Variants in DENND6A observed in about 807,000 individuals in gnomAD.
DENND6A encodes DENN domain containing 6A, also known as protein DENND6A.
A neutral mutation model predicts 95.5 loss-of-function variants in DENND6A; 43 were observed. The observed-to-expected ratio is 0.45, with a 90% confidence interval of 0.35 to 0.58. DENND6A has a LOEUF of 0.58. DENND6A is among the 20% of genes least tolerant of loss of function. DENND6A has a pLI of 0.00. For synonymous variants in DENND6A, 257 were observed against 260.4 expected, an observed-to-expected ratio of 0.99 and a Z score of 0.13; for missense variants, 574 against 736.0, an observed-to-expected ratio of 0.78 and a Z score of 2.55.
At chr3:57,635,703 T>A (rs1380445515) in intron 12 of DENND6A, among the ~76,000 whole-genome samples, 2 of 152,202 alleles carry the variant, frequency 1.3e-5, no homozygotes, top group Admixed American at 6.5e-5. Flanking sequence ...TCCTTTGCAA[T>A]CTTATATTGC....
Position 57,666,113 on chromosome 3 carries a change from C to T in DENND6A, c.432+10G>A, listed in dbSNP as rs761611937. ...TCACATGGACATTTTCCTATGACTACTTTTCCAACCTTTAAGTAAACTGGT... is the reference window on the plus strand; with the variant it reads ...TCACATGGACATTTTCCTATGACTATTTTTCCAACCTTTAAGTAAACTGGT... On this transcript the variant is annotated intron_variant, in intron 4 of 19. Transcript: ENST00000311128. 9.9e-6 allele frequency: 16 copies of T among 1,609,686 alleles called. No homozygotes were observed. The highest frequency in any genetic ancestry group is 1.4e-5 in the Non-Finnish European group (16 of 1,177,348).
chr3:57,639,132 C>T (rs1385668609), intron 12 of DENND6A, among the ~76,000 whole-genome samples: 1 of 152,044 alleles, frequency 6.6e-6, no homozygotes, highest in African/African-American at 2.4e-5. Flanking sequence ...TTTAAATAGA[C>T]ATTTCACCAA....
chr3:57,672,084 T>C (rs936789074), intron 3 of DENND6A, among the ~76,000 whole-genome samples, 172 bp downstream of exon 3: 1 of 152,174 alleles, frequency 6.6e-6, no homozygotes, highest in Non-Finnish European at 1.5e-5. Flanking sequence ...ATTTTAAGAG[T>C]TGAAGCTACT....
Position 57,692,878 on chromosome 3 carries a change from G to A in DENND6A, c.141C>T (p.Gly47=). 1 of 1,583,542 alleles carries A rather than the reference G, an allele frequency of 6.3e-7. No individual in the cohort carries two copies. The highest frequency in any genetic ancestry group is 2.4e-5 in the East Asian group (1 of 41,960). The change falls in exon 1 of 20, where the codon GGC becomes GGT. Residue 47 remains glycine (G), a synonymous_variant. Coordinates refer to ENST00000311128, the MANE Select transcript of DENND6A (RefSeq NM_152678.3). ...GAPEDDEEDD[G]RGRGLLRWDS... is the part of the protein sequence containing the mutation. ...CCCAGCGCAGCAGGCCCCGGCCACG[G>A]CCATCGTCCTCTTCATCGTCCTCTG...
rs1429408785 is a variant in DENND6A, at chr3:57,666,356, G to A, written c.320-121C>T. Reference sequence around the variant, plus strand: ...TTTTAACCCATTCTGTCATGTTTTGGAGGAAAAAAAGAAAATCCTAAGAGT... The same window carrying A: ...TTTTAACCCATTCTGTCATGTTTTGAAGGAAAAAAAGAAAATCCTAAGAGT... On this transcript the variant is annotated intron_variant, in intron 3 of 19. Transcript: ENST00000311128. 1.6e-5 allele frequency: 13 copies of A among 822,304 alleles called. No individual in the cohort carries two copies. The East Asian group carries it at 3.5e-4, about 22-fold the overall frequency. The allele number at this position is 822,304 out of a possible 1,614,324, so 50.9% of individuals were successfully genotyped here.
intron 3 of DENND6A, among the ~76,000 whole-genome samples, chr3:57,670,601 T>C (rs147656731): frequency 3.3e-4 from 51 of 152,348 alleles, no homozygotes; most frequent in Non-Finnish European, 5.9e-4. Flanking sequence ...ATGTATGTCC[T>C]GCTTTTAGGC....
chr3:57,631,346 G>A (rs376533303), intron 15 of DENND6A, among the ~76,000 whole-genome samples: 269 of 151,802 alleles, frequency 1.8e-3, no homozygotes, highest in African/African-American at 6.0e-3. Flanking sequence ...ACAGGCGTGC[G>A]CCACCACGCC....
Position 57,661,489 on chromosome 3 carries a change from T to C in DENND6A, c.576A>G (p.Ile192Met), listed in dbSNP as rs2071423110. 2 of 1,586,252 alleles carry C rather than the reference T, an allele frequency of 1.3e-6. No homozygotes were observed. Among genetic ancestry groups the C allele is most frequent in the Non-Finnish European group, 1.7e-6 (2 of 1,173,776 alleles). ...IHFFHTVLKQ[I>M]APEYFEKNEP... ...CATTCTTTTCAAAATACTCTGGTGC[T>C]ATCTGTTTGAGCACAGTGTGAAAAA... The change falls in exon 6 of 20, where the codon ATA becomes ATG. Residue 192 changes from isoleucine (I) to methionine (M), a missense_variant. Ile to Met is a conservative substitution (Grantham distance 10, BLOSUM62 1). Around this residue, in one of 2 missense-constraint regions of DENND6A, gnomAD observed 452 missense variants for 630.9 expected, o/e 0.72. Coordinates refer to ENST00000311128, the MANE Select transcript of DENND6A (RefSeq NM_152678.3).
chr3:57,688,554 G>A (rs2077231777), intron 1 of DENND6A, among the ~76,000 whole-genome samples: 1 of 151,942 alleles, frequency 6.6e-6, no homozygotes, highest in Non-Finnish European at 1.5e-5. Flanking sequence ...TCCAGAAAAA[G>A]AGTTTGGCTA....
chr3:57,680,382 G>A (rs534571015), intron 1 of DENND6A, among the ~76,000 whole-genome samples: 4 of 152,320 alleles, frequency 2.6e-5, no homozygotes, highest in South Asian at 4.1e-4. Context: ...TTTGGGAGGC[G>A]ATCAAGTCGT....
intron 9 of DENND6A, among the ~76,000 whole-genome samples, chr3:57,655,556 T>C (rs2071307637): frequency 6.6e-6 from 1 of 152,184 alleles, no homozygotes; most frequent in Admixed American, 6.5e-5. Context: ...AAATTCTACT[T>C]ATGACCTCAA....
intron 11 of DENND6A, among the ~76,000 whole-genome samples, chr3:57,643,316 G>A (rs1237528162): frequency 6.6e-6 from 1 of 152,092 alleles, no homozygotes; most frequent in East Asian, 1.9e-4. Flanking sequence ...GGGGAGAAAA[G>A]AGGGAGACAA....
intron 1 of DENND6A, among the ~76,000 whole-genome samples, chr3:57,691,741 T>G (rs2077267609): frequency 6.7e-6 from 1 of 150,360 alleles, no homozygotes; most frequent in African/African-American, 2.4e-5. Context: ...ACAATTTCCT[T>G]GGACACATGA....
chr3:57,660,520 G>C (rs2071402568), intron 7 of DENND6A, among the ~76,000 whole-genome samples: 1 of 151,956 alleles, frequency 6.6e-6, no homozygotes, highest in African/African-American at 2.4e-5. Flanking sequence ...AATTAGCCTA[G>C]GAAACATGGC....
chr3:57,664,372 T>G (rs1293335206), intron 4 of DENND6A, among the ~76,000 whole-genome samples: 3 of 152,224 alleles, frequency 2.0e-5, no homozygotes, highest in Non-Finnish European at 1.5e-5. Flanking sequence ...AAGAAGCATT[T>G]ACATCTTAAT....
intron 1 of DENND6A, among the ~76,000 whole-genome samples, chr3:57,691,693 A>C (rs900114639): frequency 2.0e-4 from 26 of 127,902 alleles, no homozygotes; most frequent in Admixed American, 3.1e-4. Flanking sequence ...AAAAAAAAAA[A>C]CCAAAACCAA....
rs372061625 is a variant in DENND6A at position 57,657,698 on chromosome 3, T to C, written c.800A>G (p.His267Arg). ...TNISVILPTVHEVDIFRCFCP... is the reference protein window; with the variant it reads ...TNISVILPTVREVDIFRCFCP... ...TCTTTACCTGAAAATATCCACCTCA[T>C]GAACAGTAGGTAAAATAACAGATAT... The change falls in exon 9 of 20, where the codon CAT becomes CGT. Residue 267 changes from histidine to arginine, a missense_variant. Transcript: ENST00000311128. The C allele has an allele frequency of 5.0e-6, 8 of 1,585,442 alleles. No individual in the cohort carries two copies. Among genetic ancestry groups the C allele is most frequent in the Admixed American group, 1.7e-5 (1 of 57,704 alleles).
At position 57,646,313 on chromosome 3, in the gene DENND6A, C is replaced by A; in HGVS notation, c.941+3G>T. 6.2e-7 allele frequency: 1 copy of A among 1,606,474 alleles called. No homozygotes were observed. Among genetic ancestry groups the A allele is most frequent in the Non-Finnish European group, 8.5e-7 (1 of 1,177,848 alleles). On this transcript the variant is annotated splice_donor_region_variant and intron_variant, in intron 10 of 19. Coordinates refer to ENST00000311128, the MANE Select transcript of DENND6A (RefSeq NM_152678.3). ...CCCAGAAATAGTAACCAAATAGACT[C>A]ACTTAACAAGTGCCAATACAGTCTC...
intron 18 of DENND6A, among the ~76,000 whole-genome samples, chr3:57,629,295 T>C (rs2070606731): frequency 6.6e-6 from 1 of 152,210 alleles, no homozygotes; most frequent in African/African-American, 2.4e-5. Context: ...GGATATGCTC[T>C]TCCTGGGCTT....
Sources: allele counts gnomAD v4.1 joint callset (sites outside exome capture counted in the v4.1 genomes callset), GRCh38; gene constraint gnomAD v4.1.1; regional missense constraint gnomAD v4.1.1; transcripts MANE v1.5; gene names NCBI Gene and HGNC (gene_info 2026-07-23, HGNC 2026-07-21).